The following SUPT3H variants were observed in gnomAD, a reference collection of about 807,000 sequenced individuals.
The protein encoded by SUPT3H is SPT3 homolog, SAGA and STAGA complex component.
A neutral mutation model predicts 44.3 loss-of-function variants in SUPT3H; 44 were observed. The ratio of observed to expected loss-of-function variants is 0.99; its 90% CI spans 0.78 to 1.28. The LOEUF is 1.28. SUPT3H is among the 50% of genes most tolerant of loss of function. The pLI is 0.00. For synonymous variants in SUPT3H, 124 were observed against 125.6 expected, an observed-to-expected ratio of 0.99 and a Z score of 0.09; for missense variants, 380 against 387.1, an observed-to-expected ratio of 0.98 and a Z score of 0.15.
At chr6:45,334,109 C>G (rs980174510) in intron 2 of SUPT3H, among the ~76,000 whole-genome samples, 1 of 151,054 alleles carries the variant, frequency 6.6e-6, no homozygotes, top group Admixed American at 6.6e-5. Context: ...TTCCTATTGC[C>G]AATTCTCTTA....
intron 3 of SUPT3H, among the ~76,000 whole-genome samples, chr6:45,070,465 C>T (rs1312638769): frequency 2.0e-5 from 3 of 151,952 alleles, no homozygotes; most frequent in African/African-American, 4.8e-5. Context: ...ATGCTTTGGC[C>T]GGGCATGGTG....
intron 2 of SUPT3H, among the ~76,000 whole-genome samples, chr6:45,120,784 T>A (rs1226513710): frequency 1.3e-5 from 2 of 152,134 alleles, no homozygotes; most frequent in Non-Finnish European, 1.5e-5. Context: ...GGGTAAATAT[T>A]AAAGCTACAA....
At chr6:44,908,305 C>T (rs993310758) in intron 10 of SUPT3H, among the ~76,000 whole-genome samples, 1 of 151,936 alleles carries the variant, frequency 6.6e-6, no homozygotes, top group Non-Finnish European at 1.5e-5. Flanking sequence ...GCGCCCACCA[C>T]CATGCCCAGC....
intron 2 of SUPT3H, among the ~76,000 whole-genome samples, chr6:45,185,776 C>A (rs1020264991): frequency 7.9e-5 from 12 of 152,186 alleles, no homozygotes; most frequent in African/African-American, 2.9e-4. Flanking sequence ...AAAACCTTTG[C>A]TTGGAGACTT....
chr6:45,311,291 T>C (rs931037146), intron 2 of SUPT3H, among the ~76,000 whole-genome samples: 4 of 152,142 alleles, frequency 2.6e-5, no homozygotes, highest in Admixed American at 6.5e-5. Flanking sequence ...CAACCAAACC[T>C]AAGAATACTC....
chr6:45,264,223 T>A (rs1305623701), intron 2 of SUPT3H, among the ~76,000 whole-genome samples: 1 of 152,164 alleles, frequency 6.6e-6, no homozygotes, highest in East Asian at 1.9e-4. Flanking sequence ...ACTGATTGGA[T>A]CTTGAAATCT....
chr6:44,842,297 T>G (rs780833628), intron 10 of SUPT3H, among the ~76,000 whole-genome samples: 1 of 152,168 alleles, frequency 6.6e-6, no homozygotes, highest in Non-Finnish European at 1.5e-5. Context: ...GGAGTCTCAC[T>G]TTGGGCTGGG....
chr6:45,003,565 A>G (rs879679921), intron 6 of SUPT3H, 88 bp downstream of exon 6: 3 of 1,443,202 alleles, frequency 2.1e-6, no homozygotes, highest in Non-Finnish European at 1.9e-6. Flanking sequence ...ATTTCAGACA[A>G]CATTTAAAGA....
intron 4 of SUPT3H, among the ~76,000 whole-genome samples, chr6:45,017,168 C>T (rs1393937407): frequency 6.6e-6 from 1 of 151,436 alleles, no homozygotes; most frequent in African/African-American, 2.4e-5. Context: ...TGTTCATATC[C>T]TTTGCCCACT....
intron 3 of SUPT3H, among the ~76,000 whole-genome samples, chr6:45,081,107 T>G (rs1362722803): frequency 1.3e-5 from 2 of 151,682 alleles, no homozygotes; most frequent in African/African-American, 2.4e-5. Flanking sequence ...ATTTAAAAAT[T>G]AAGAAATTAA....
chr6:44,919,764 A>T (rs1768365629), intron 10 of SUPT3H, among the ~76,000 whole-genome samples: 1 of 152,200 alleles, frequency 6.6e-6, no homozygotes, highest in African/African-American at 2.4e-5. Flanking sequence ...CCATTGCCTC[A>T]GAAGATGCTC....
chr6:45,092,419 C>A (rs567713404), intron 3 of SUPT3H, among the ~76,000 whole-genome samples: 1 of 152,122 alleles, frequency 6.6e-6, no homozygotes, highest in Non-Finnish European at 1.5e-5. Flanking sequence ...CTAGTTGACA[C>A]ATTTATTTAA....
chr6:45,349,924 A>C (rs1581794686), intron 2 of SUPT3H, among the ~76,000 whole-genome samples: 1 of 152,228 alleles, frequency 6.6e-6, no homozygotes, highest in African/African-American at 2.4e-5. Flanking sequence ...GCTAATTTCA[A>C]GTAAAATTGG....
chr6:45,229,379 G>A (rs1381349547), intron 2 of SUPT3H, among the ~76,000 whole-genome samples: 1 of 152,058 alleles, frequency 6.6e-6, no homozygotes, highest in Non-Finnish European at 1.5e-5. Context: ...ATTCTGAAAG[G>A]TGATACTGCC....
Position 44,829,668 on chromosome 6 carries a change from G to T in SUPT3H, c.*148C>A. 2 of 796,542 alleles carry T rather than the reference G, an allele frequency of 2.5e-6. No homozygotes were observed. Among genetic ancestry groups the T allele is most frequent in the Non-Finnish European group, 4.1e-6 (2 of 486,734 alleles). 49.3% of individuals were successfully genotyped at this position (796,542 alleles called of 1,614,324 possible). On this transcript the variant is annotated 3_prime_UTR_variant, in exon 11 of 11. Coordinates refer to ENST00000371459, the MANE Select transcript of SUPT3H (RefSeq NM_003599.4). ...CCGATGGTTGAGGGGCTGGAAAAGA[G>T]GAGGAGTCAGCAAGTTGAAAGTCAC...
At chr6:45,043,122 T>C (rs1479416827) in intron 3 of SUPT3H, among the ~76,000 whole-genome samples, 1 of 137,448 alleles carries the variant, frequency 7.3e-6, no homozygotes, top group African/African-American at 2.8e-5. Flanking sequence ...TCTGGGAGCC[T>C]TGTATCTTAC....
chr6:45,034,044 A>C (rs1787333787), intron 3 of SUPT3H, among the ~76,000 whole-genome samples: 1 of 152,140 alleles, frequency 6.6e-6, no homozygotes, highest in African/African-American at 2.4e-5. Flanking sequence ...AGCATAGTTA[A>C]ACTGTGTAAC....
intron 3 of SUPT3H, among the ~76,000 whole-genome samples, chr6:45,068,831 G>C (rs913093916): frequency 6.6e-6 from 1 of 151,892 alleles, no homozygotes; most frequent in Admixed American, 6.6e-5. Context: ...AGCTTAACCT[G>C]GGCTTTCAAG....
At chr6:44,877,682 A>G (rs1327213648) in intron 10 of SUPT3H, among the ~76,000 whole-genome samples, 3 of 152,192 alleles carry the variant, frequency 2.0e-5, no homozygotes, top group Non-Finnish European at 4.4e-5. Flanking sequence ...ACATTTTTAA[A>G]CAGACCTAAG....
Sources: allele counts gnomAD v4.1 joint callset (sites outside exome capture counted in the v4.1 genomes callset), GRCh38; gene constraint gnomAD v4.1.1; transcripts MANE v1.5; gene names NCBI Gene and HGNC (gene_info 2026-07-23, HGNC 2026-07-21).